The following OPN1SW variants were observed in gnomAD, a reference collection of about 807,000 sequenced individuals.
OPN1SW encodes the protein short-wave-sensitive opsin 1.
In OPN1SW, 25 loss-of-function variants were observed where a neutral mutation model predicts 31.9. The observed-to-expected ratio is 0.78, with a 90% confidence interval of 0.57 to 1.09. The LOEUF (loss-of-function observed/expected upper bound fraction) is 1.09. Ranked by LOEUF, OPN1SW falls within the 50% of genes least tolerant of loss-of-function variation. The probability of loss-of-function intolerance (pLI) is 0.00; values close to 1 mark genes in which losing one functional copy is unlikely to be tolerated. For missense variants in OPN1SW, 424 were observed against 448.0 expected (o/e 0.95, Z 0.48); for synonymous variants, 190 against 171.9 (o/e 1.11, Z -0.82).
chr7:128,773,915 ATC>A (rs760453883), intron 3 of OPN1SW, 27 bp from the exon 4 acceptor site: 8 of 1,591,744 alleles, frequency 5.0e-6, no homozygotes, highest in East Asian at 2.3e-5. Flanking sequence ...AAAGCATCAC[ATC>A]TCTCTTTTTC....
chr7:128,775,364 G>T, intron 1 of OPN1SW, 75 bp downstream of exon 1: 1 of 1,457,702 alleles, frequency 6.9e-7, no homozygotes, highest in Non-Finnish European at 9.4e-7. Context: ...ATTTCCCCCA[G>T]ACTCCTCTTT....
intron 1 of OPN1SW, 85 bp from the exon 2 acceptor site, chr7:128,775,239 G>T: frequency 6.9e-7 from 1 of 1,446,316 alleles, no homozygotes; most frequent in Non-Finnish European, 9.6e-7. Context: ...GGTGGAGCAA[G>T]CACAGAGAGA....
chr7:128,775,450 C>T lies in OPN1SW; in HGVS notation c.332G>A (p.Gly111Asp), dbSNP rs1395554782. The T allele has an allele frequency of 6.2e-7, 1 of 1,613,252 alleles. No homozygotes were observed. Among genetic ancestry groups the T allele is most frequent in the African/African-American group, 1.3e-5 (1 of 74,888 alleles). The change falls in exon 1 of 5, where the codon GGC becomes GAC. Residue 111 changes from glycine to aspartate, a missense_variant. Physicochemically the swap from Gly to Asp is moderately conservative, Grantham distance 94. Transcript: ENST00000249389. ...TTCCCCTGCAGTACCTGCTACAGTG[C>T]CCAGGAAGCCCTCCAAAGCACAAAC... Reference protein sequence around the residue: ...RHVCALEGFLGTVAGLVTGWS... With the variant: ...RHVCALEGFLDTVAGLVTGWS...
rs1158972002 is a variant in OPN1SW at position 128,773,767 on chromosome 7, A to G, written c.800T>C (p.Met267Thr). 2.5e-6 allele frequency: 4 copies of G among 1,614,234 alleles called. No individual in the cohort carries two copies. Among genetic ancestry groups the G allele is most frequent in the Non-Finnish European group, 3.4e-6 (4 of 1,180,036 alleles). The change falls in exon 4 of 5, where the codon ATG becomes ACG. Residue 267 changes from methionine to threonine, a missense_variant. Met to Thr is a moderately conservative substitution (Grantham distance 81). Transcript: ENST00000249389. Reference protein sequence around the residue: ...VCYVPYAAFAMYMVNNRNHGL... With the variant: ...VCYVPYAAFATYMVNNRNHGL... ...ATGGTTACGGTTGTTGACCATGTAC[A>G]TGGCGAAGGCCGCGTAGGGCACGTA... is the stretch of plus-strand genomic sequence containing the variant.
Position 128,775,562 on chromosome 7 carries a change from ACAC to A in OPN1SW, c.217_219del (p.Val73del), listed in dbSNP as rs760585811. 1.2e-6 allele frequency: 2 copies of A among 1,614,166 alleles called. No homozygotes were observed. The highest frequency in any genetic ancestry group is 1.7e-5 in the Admixed American group (1 of 60,018). On this transcript the variant is annotated inframe_deletion, in exon 1 of 5. Coordinates refer to ENST00000249389, the MANE Select transcript of OPN1SW (RefSeq NM_001385125.1). ...ATGCAGAGGAGGAAGCCTCCGAAGG[ACAC>A]GTTGACCAGAATGTAGTTGAGGGGC... is the stretch of plus-strand genomic sequence containing the variant.
In OPN1SW at chr7:128,775,484, C is replaced by G. The variant is rs201892828; in HGVS notation, c.298G>C (p.Gly100Arg). 1.9e-6 allele frequency: 3 copies of G among 1,613,818 alleles called. No homozygotes were observed. Among genetic ancestry groups the G allele is most frequent in the Non-Finnish European group, 2.5e-6 (3 of 1,179,844 alleles). Residue 100 changes from glycine (G) to arginine (R), a missense_variant, in exon 1 of 5, where the codon GGT becomes CGT. Coordinates refer to ENST00000249389, the MANE Select transcript of OPN1SW (RefSeq NM_001385125.1). ...CCCTCCAAAGCACAAACATGGCGAC[C>G]GAAGACGAAGTATCCGTTACAGCTG... is the stretch of plus-strand genomic sequence containing the variant. Reference protein sequence around the residue: ...VASCNGYFVFGRHVCALEGFL... With the variant: ...VASCNGYFVFRRHVCALEGFL...
chr7:128,773,435 C>G (rs1801675500), intron 4 of OPN1SW, among the ~76,000 whole-genome samples: 1 of 152,174 alleles, frequency 6.6e-6, no homozygotes, highest in African/African-American at 2.4e-5. Context: ...TTTCCTGACT[C>G]AAGTTCTTTC....
At chr7:128,773,960 T>TA (rs56762413) in intron 3 of OPN1SW, 72 bp from the exon 4 acceptor site, 68 of 1,403,046 alleles carry the variant, frequency 4.8e-5, no homozygotes, top group South Asian at 3.3e-4. Flanking sequence ...TTTTTTTTTT[T>TA]AATTTTTAAT....
At position 128,774,679 on chromosome 7, in the gene OPN1SW, C is replaced by T. The variant is rs370516368; in HGVS notation, c.513-16G>A. The T allele has an allele frequency of 4.1e-5, 66 of 1,614,088 alleles. No individual in the cohort carries two copies. In the East Asian group the frequency reaches 1.4e-3, roughly 35 times the overall value. Reference sequence around the variant, plus strand: ...AGGGATGAACCTGCAAAGGACCAAACACTTGCTCACTGGACTCTCCACAAG... The same window carrying T: ...AGGGATGAACCTGCAAAGGACCAAATACTTGCTCACTGGACTCTCCACAAG... On this transcript the variant is annotated splice_polypyrimidine_tract_variant and intron_variant, in intron 2 of 4. Coordinates refer to ENST00000249389, the MANE Select transcript of OPN1SW (RefSeq NM_001385125.1).
At chr7:128,773,519 TC>T in intron 4 of OPN1SW, 129 bp downstream of exon 4, 1 of 1,250,894 alleles carries the variant, frequency 8.0e-7, no homozygotes, top group Non-Finnish European at 1.2e-6. Flanking sequence ...CCCAACCTAC[TC>T]GGGGGTTTTG....
At position 128,773,907 on chromosome 7, in the gene OPN1SW, A is replaced by G. The variant is rs761085643; in HGVS notation, c.679-19T>C. On this transcript the variant is annotated intron_variant, in intron 3 of 4. Transcript: ENST00000249389. Reference sequence around the variant, plus strand: ...CTGCAACCTGGGGTGGAGCACGGAAAGCATCACATCTCTCTTTTTCCTGGC... The same window carrying G: ...CTGCAACCTGGGGTGGAGCACGGAAGGCATCACATCTCTCTTTTTCCTGGC... 5.6e-6 allele frequency: 9 copies of G among 1,605,308 alleles called. No homozygotes were observed. The highest frequency in any genetic ancestry group is 5.9e-6 in the Non-Finnish European group (7 of 1,179,698).
rs1285511730 is a variant in OPN1SW at position 128,775,434 on chromosome 7, A to G, written c.343+5T>C. On this transcript the variant is annotated splice_donor_5th_base_variant and intron_variant, in intron 1 of 4. Transcript: ENST00000249389. Reference sequence around the variant, plus strand: ...TTCCCCTAACCCCTTTTTCCCCTGCAGTACCTGCTACAGTGCCCAGGAAGC... The same window carrying G: ...TTCCCCTAACCCCTTTTTCCCCTGCGGTACCTGCTACAGTGCCCAGGAAGC... 6 of 1,610,382 alleles carry G rather than the reference A, an allele frequency of 3.7e-6. No homozygotes were observed. In the South Asian group the frequency reaches 6.6e-5, roughly 18 times the overall value.
Position 128,772,737 on chromosome 7 carries a change from C to T in OPN1SW, c.919-78G>A. ...AAAAAAGACCTTATTCTCTGTATCA[C>T]CAAAGCCTTGCACAATGCTTTGTAC... On this transcript the variant is annotated intron_variant, in intron 4 of 4. Transcript: ENST00000249389. 4 of 1,588,920 alleles carry T rather than the reference C, an allele frequency of 2.5e-6. No homozygotes were observed. In the South Asian group the frequency reaches 3.3e-5, roughly 13 times the overall value.
chr7:128,772,551 C>A lies in OPN1SW; in HGVS notation c.1027G>T (p.Gly343Cys). Residue 343 changes from glycine to cysteine, a missense_variant, in exon 5 of 5, where the codon GGC becomes TGC. Transcript: ENST00000249389. The stretch of plus-strand genomic sequence containing the variant: ...CCAATATTGGGTCCTCAGTTGGGGC[C>A]AACTTGGGTAGACGAGACAGTAGAA... ...EVSTVSSTQV[G>C]PN The A allele has an allele frequency of 6.2e-7, 1 of 1,614,106 alleles. No homozygotes were observed.
chr7:128,772,623 C>G lies in OPN1SW; in HGVS notation c.955G>C (p.Ala319Pro). The change falls in exon 5 of 5, where the codon GCC becomes CCC. Residue 319 changes from alanine (A) to proline (P), a missense_variant. Transcript: ENST00000249389. ...CATGTGTCGGATTCATCTGTCATGG[C>G]CTTCCCACACACCATCTTCATGATG... ...ACIMKMVCGK[A>P]MTDESDTCSS... 6.2e-7 allele frequency: 1 copy of G among 1,614,120 alleles called. No homozygotes were observed. The highest frequency in any genetic ancestry group is 1.1e-5 in the South Asian group (1 of 91,070).
chr7:128,775,154 C>T lies in OPN1SW; in HGVS notation c.344G>A (p.Gly115Asp). The T allele has an allele frequency of 6.2e-7, 1 of 1,613,970 alleles. No individual in the cohort carries two copies. Among genetic ancestry groups the T allele is most frequent in the Non-Finnish European group, 8.5e-7 (1 of 1,179,942 alleles). Reference protein sequence around the residue: ...ALEGFLGTVAGLVTGWSLAFL... With the variant: ...ALEGFLGTVADLVTGWSLAFL... Reference sequence around the variant, plus strand: ...GGCCAGTGACCATCCTGTAACCAGACCTGTGGTGAAATGTGAGGATAATGG... The same window carrying T: ...GGCCAGTGACCATCCTGTAACCAGATCTGTGGTGAAATGTGAGGATAATGG... The change falls in exon 2 of 5, where the codon GGT (glycine) becomes GAT (aspartate). Residue 115 changes from glycine (G) to aspartate (D), a missense_variant and splice_region_variant. Transcript: ENST00000249389.
In OPN1SW at chr7:128,772,498, A is replaced by T; in HGVS notation, c.*42T>A. On this transcript the variant is annotated 3_prime_UTR_variant, in exon 5 of 5. Transcript: ENST00000249389. ...GACAATAGAAACTTACTTAAAAGTAAAATTTAATTCTAGCTGTTGCAAACA... is the reference window on the plus strand; with the variant it reads ...GACAATAGAAACTTACTTAAAAGTATAATTTAATTCTAGCTGTTGCAAACA... The T allele has an allele frequency of 6.2e-7, 1 of 1,613,302 alleles. No homozygotes were observed. Among genetic ancestry groups the T allele is most frequent in the African/African-American group, 1.3e-5 (1 of 75,036 alleles).
In OPN1SW at chr7:128,775,094, T is replaced by C. The variant is rs1801732041; in HGVS notation, c.404A>G (p.Lys135Arg). ...GCTGAAGCGGAAGTTGCCGAAGGGC[T>C]TACAGATGACAATGTAGCGCTCAAA... ...LAFERYIVIC[K>R]PFGNFRFSSK... Residue 135 changes from lysine to arginine, a missense_variant, in exon 2 of 5, where the codon AAG becomes AGG. Physicochemically the swap from Lys to Arg is conservative, Grantham distance 26. Transcript: ENST00000249389. The C allele has an allele frequency of 1.9e-6, 3 of 1,614,186 alleles. No homozygotes were observed. The highest frequency in any genetic ancestry group is 1.7e-6 in the Non-Finnish European group (2 of 1,180,036).
chr7:128,772,606 G>T lies in OPN1SW; in HGVS notation c.972C>A (p.Ser324=). 1 of 1,614,110 alleles carries T rather than the reference G, an allele frequency of 6.2e-7. No individual in the cohort carries two copies. The highest frequency in any genetic ancestry group is 8.5e-7 in the Non-Finnish European group (1 of 1,179,994). The change falls in exon 5 of 5, where the codon TCC becomes TCA. Residue 324 remains serine, a synonymous_variant. Transcript: ENST00000249389. ...MVCGKAMTDE[S]DTCSSQKTEV... Reference sequence around the variant, plus strand: ...CTGTTTTCTGGGAGCTGCATGTGTCGGATTCATCTGTCATGGCCTTCCCAC... The same window carrying T: ...CTGTTTTCTGGGAGCTGCATGTGTCTGATTCATCTGTCATGGCCTTCCCAC...
Sources: gnomAD v4.1 joint callset for allele counts (sites outside exome capture counted in the v4.1 genomes callset) on GRCh38, gnomAD v4.1.1 for gene constraint, MANE v1.5 for transcripts, NCBI Gene and HGNC (gene_info 2026-07-23, HGNC 2026-07-21) for gene names.